HDAC9: variants seen among roughly 807,000 people sequenced by gnomAD.
The protein encoded by HDAC9 is MEF-2 interacting transcription repressor (MITR) protein.
Under a neutral mutation model 139.4 loss-of-function variants are expected in HDAC9, and 41 were observed. The observed-to-expected ratio is 0.29, with a 90% CI of 0.23 to 0.38. HDAC9 has a LOEUF of 0.38. Ranked by LOEUF, HDAC9 falls within the 10% of genes least tolerant of loss-of-function variation. The pLI is 1.00. For synonymous variants in HDAC9, 517 were observed against 476.2 expected (o/e 1.09, Z -1.12); for missense variants, 1,147 against 1,297.0 (o/e 0.88, Z 1.78).
intron 22 of HDAC9, among the ~76,000 whole-genome samples, chr7:18,895,033 G>A (rs531744430): frequency 6.6e-6 from 1 of 152,174 alleles, no homozygotes; most frequent in South Asian, 2.1e-4. Flanking sequence ...AGAACATTTT[G>A]GAGGCTTGAA....
At chr7:18,448,140 C>T (rs984761742) in intron 1 of HDAC9, among the ~76,000 whole-genome samples, 22 of 152,174 alleles carry the variant, frequency 1.4e-4, no homozygotes, top group African/African-American at 4.8e-4. Flanking sequence ...GCTGAGATTA[C>T]GCGCGTGAGC....
intron 6 of HDAC9, among the ~76,000 whole-genome samples, chr7:18,621,169 A>G (rs964942327): frequency 1.3e-5 from 2 of 151,964 alleles, no homozygotes; most frequent in Non-Finnish European, 2.9e-5. Context: ...TAATAAATGC[A>G]ATAATTTTAA....
At position 18,487,940 on chromosome 7, in the gene HDAC9, A is replaced by G. The variant is rs530185809; in HGVS notation, c.-41-8322A>G. 2.6e-5 allele frequency among the ~76,000 whole-genome samples: 4 copies of G among 152,170 alleles called. No individual in the cohort carries two copies. The East Asian group carries it at 7.7e-4, about 29-fold the overall frequency. Reference sequence around the variant, plus strand: ...TCTTGTCACAGCTCTCAAATGTGGTATATATTCAGATGCTACACATGACAG... The same window carrying G: ...TCTTGTCACAGCTCTCAAATGTGGTGTATATTCAGATGCTACACATGACAG... On this transcript the variant is annotated intron_variant, in intron 1 of 3. Transcript: ENST00000413509.
intron 25 of HDAC9, among the ~76,000 whole-genome samples, chr7:18,980,777 CCTCTTCTT>C (rs1784889024): frequency 7.3e-6 from 1 of 136,708 alleles, no homozygotes; most frequent in African/African-American, 2.8e-5. Context: ...TCTTCTTCTT[CCTCTTCTT>C]CTTCTTCCTT....
At chr7:18,225,460 A>G (rs1365495831) in intron 2 of HDAC9, among the ~76,000 whole-genome samples, 6 of 152,172 alleles carry the variant, frequency 3.9e-5, no homozygotes, top group African/African-American at 1.4e-4. Flanking sequence ...CATAAATACA[A>G]AAGGAAGCTA....
At chr7:18,539,261 C>G (rs1811931313) in intron 2 of HDAC9, among the ~76,000 whole-genome samples, 1 of 152,078 alleles carries the variant, frequency 6.6e-6, no homozygotes, top group Non-Finnish European at 1.5e-5. Flanking sequence ...CGTTGTTTTT[C>G]CCCCAAATTT....
intron 7 of HDAC9, among the ~76,000 whole-genome samples, chr7:18,634,194 A>T (rs533885145): frequency 1.3e-5 from 2 of 151,932 alleles, no homozygotes; most frequent in African/African-American, 4.8e-5. Flanking sequence ...CATTTGAACA[A>T]TTTTTTTCAG....
chr7:18,557,925 A>G (rs1386788248), intron 2 of HDAC9, among the ~76,000 whole-genome samples: 2 of 152,006 alleles, frequency 1.3e-5, no homozygotes, highest in Non-Finnish European at 2.9e-5. Context: ...AGAATCTAGC[A>G]TTTAAAAGTT....
At chr7:18,622,198 A>G (rs1186026457) in intron 6 of HDAC9, among the ~76,000 whole-genome samples, 8 of 152,222 alleles carry the variant, frequency 5.3e-5, no homozygotes, top group African/African-American at 1.9e-4. Flanking sequence ...AGAATAGACA[A>G]TGCCAGAAAG....
At chr7:18,619,054 T>G (rs998264594) in intron 6 of HDAC9, among the ~76,000 whole-genome samples, 4 of 152,128 alleles carry the variant, frequency 2.6e-5, no homozygotes, top group African/African-American at 4.8e-5. Context: ...GATAGATTTT[T>G]AAATTTGTCT....
intron 17 of HDAC9, among the ~76,000 whole-genome samples, chr7:18,805,646 C>G (rs949759951): frequency 3.3e-5 from 5 of 152,208 alleles, no homozygotes; most frequent in African/African-American, 1.2e-4. Flanking sequence ...CTGATGAAGG[C>G]CTGCAAGGTC....
At chr7:18,458,851 G>A (rs1351305069) in intron 1 of HDAC9, 1 of 1,534,656 alleles carries the variant, frequency 6.5e-7, no homozygotes, top group Non-Finnish European at 8.7e-7. Context: ...GACCTCATGT[G>A]GAACCTTGTA....
At chr7:18,591,324 T>A (rs1292034874) in intron 4 of HDAC9, among the ~76,000 whole-genome samples, 192 bp from the exon 5 acceptor site, 2 of 152,194 alleles carry the variant, frequency 1.3e-5, no homozygotes, top group South Asian at 2.1e-4. Flanking sequence ...ATTACTGTAC[T>A]ATTTTCTAAA....
At chr7:18,376,461 T>C (rs1323028142) in intron 1 of HDAC9, among the ~76,000 whole-genome samples, 1 of 152,236 alleles carries the variant, frequency 6.6e-6, no homozygotes, top group Non-Finnish European at 1.5e-5. Context: ...TTATCAGCTT[T>C]GGTATATTAG....
chr7:18,385,206 A>T (rs1444042947), intron 1 of HDAC9, among the ~76,000 whole-genome samples: 2 of 152,150 alleles, frequency 1.3e-5, no homozygotes, highest in Non-Finnish European at 2.9e-5. Flanking sequence ...AAAGTGATGG[A>T]ATCAAATAAA....
intron 17 of HDAC9, among the ~76,000 whole-genome samples, chr7:18,804,323 G>T (rs1793532387): frequency 6.6e-6 from 1 of 152,170 alleles, no homozygotes; most frequent in African/African-American, 2.4e-5. Context: ...GTGAGATGAG[G>T]TTAGAGAGAT....
At chr7:18,258,375 G>C (rs754901286) in intron 2 of HDAC9, among the ~76,000 whole-genome samples, 8 of 152,062 alleles carry the variant, frequency 5.3e-5, no homozygotes, top group Non-Finnish European at 7.4e-5. Context: ...GGTGGTGTTT[G>C]GTTAAACGAA....
chr7:18,608,663 C>T (rs1172723512), intron 6 of HDAC9, among the ~76,000 whole-genome samples: 1 of 151,902 alleles, frequency 6.6e-6, no homozygotes, highest in African/African-American at 2.4e-5. Context: ...CCTGTTCATC[C>T]CAATTAGATG....
At chr7:18,898,875 A>G (rs1339913288) in intron 22 of HDAC9, among the ~76,000 whole-genome samples, 4 of 151,946 alleles carry the variant, frequency 2.6e-5, no homozygotes, top group Non-Finnish European at 4.4e-5. Context: ...ATGTTTTTAA[A>G]TCACTTACAC....
Sources: allele counts gnomAD v4.1 joint callset (sites outside exome capture counted in the v4.1 genomes callset), GRCh38; gene constraint gnomAD v4.1.1; transcripts MANE v1.5; gene names NCBI Gene and HGNC (gene_info 2026-07-23, HGNC 2026-07-21).